The following NFATC2 variants were observed in gnomAD, a reference collection of about 807,000 sequenced individuals.
The protein encoded by NFATC2 is nuclear factor of activated T cells 2.
Under a neutral mutation model 87.3 loss-of-function variants are expected in NFATC2, and 22 were observed. The observed-to-expected ratio is 0.25, with a 90% CI of 0.18 to 0.36. The LOEUF (loss-of-function observed/expected upper bound fraction) is 0.36, where lower values mean the gene tolerates loss of function less well. NFATC2 is among the 10% of genes least tolerant of loss of function. The probability of loss-of-function intolerance (pLI) is 1.00; values close to 1 mark genes in which losing one functional copy is unlikely to be tolerated. For missense variants in NFATC2, 1,149 were observed against 1,259.1 expected (o/e 0.91, Z 1.32); for synonymous variants, 565 against 542.2 (o/e 1.04, Z -0.58).
rs751261116 is a variant in NFATC2, at chr20:51,523,368, C to A, written c.873G>T (p.Pro291=). The change falls in exon 2 of 11, where the codon CCG becomes CCT. Residue 291 remains proline, a synonymous_variant. Transcript: ENST00000371564. This position sits in a 1 kb window ranked among gnomAD's most constrained non-coding sequence, Gnocchi z 6.9. Reference sequence around the variant, plus strand: ...AGCCAGCCACAGGGGGGTACCCAGCCGGGGAGCCGTGGTCCTGGGGTGCCA... The same window carrying A: ...AGCCAGCCACAGGGGGGTACCCAGCAGGGGAGCCGTGGTCCTGGGGTGCCA... The part of the protein sequence containing the change: ...SHVAPQDHGS[P]AGYPPVAGSA... 1.2e-6 allele frequency: 2 copies of A among 1,611,052 alleles called. No homozygotes were observed. Among genetic ancestry groups the A allele is most frequent in the African/African-American group, 2.7e-5 (2 of 74,962 alleles).
intron 9 of NFATC2, among the ~76,000 whole-genome samples, chr20:51,399,785 C>T (rs1987794006): frequency 6.6e-6 from 1 of 152,222 alleles, no homozygotes. Context: ...TGCCCAGTCT[C>T]CACTTGAAAC....
chr20:51,492,561 C>T (rs1158395827), intron 3 of NFATC2, among the ~76,000 whole-genome samples: 1 of 152,248 alleles, frequency 6.6e-6, no homozygotes, highest in Non-Finnish European at 1.5e-5. Flanking sequence ...TTCCCTTTTC[C>T]GGCCGAGGAA....
At chr20:51,446,831 A>G (rs572680015) in intron 6 of NFATC2, among the ~76,000 whole-genome samples, 2 of 152,352 alleles carry the variant, frequency 1.3e-5, no homozygotes, top group East Asian at 3.9e-4. Context: ...CCGGGGGGCC[A>G]CTGACACCAG....
At chr20:51,460,576 A>G (rs1189624591) in intron 5 of NFATC2, among the ~76,000 whole-genome samples, 1 of 150,362 alleles carries the variant, frequency 6.7e-6, no homozygotes, top group African/African-American at 2.5e-5. Flanking sequence ...GTGTGTACAC[A>G]GGTCACCTCT....
In NFATC2 at chr20:51,478,984, G is replaced by A. The variant is rs181780066; in HGVS notation, c.1333-3324C>T. Among the ~76,000 whole-genome samples, 417 of 152,264 alleles carry A rather than the reference G, an allele frequency of 2.7e-3. 4 individuals carry two copies. The Middle Eastern group carries it at 0.034, about 12-fold the overall frequency. ...TTCAGTGCTAAAGCCAGCTCTTTAG[G>A]CATTACAAGAACCAATCGTTAAACC... On this transcript the variant is annotated intron_variant, in intron 3 of 10. Transcript: ENST00000371564.
chr20:51,394,711 T>C (rs958665863), intron 10 of NFATC2, among the ~76,000 whole-genome samples: 2 of 152,228 alleles, frequency 1.3e-5, no homozygotes, highest in Non-Finnish European at 2.9e-5. Flanking sequence ...ACAGTCAGGA[T>C]TGTCCTCCCC....
chr20:51,515,247 C>T (rs2076333115), intron 3 of NFATC2, among the ~76,000 whole-genome samples: 1 of 152,168 alleles, frequency 6.6e-6, no homozygotes, highest in South Asian at 2.1e-4. Flanking sequence ...AGAGGGGCTG[C>T]TATGGGGTGG....
intron 1 of NFATC2, among the ~76,000 whole-genome samples, chr20:51,536,261 A>G (rs2076718312): frequency 6.6e-6 from 1 of 152,196 alleles, no homozygotes; most frequent in Non-Finnish European, 1.5e-5. Context: ...ACAAAGCTAG[A>G]GACAGCAGCT....
intron 6 of NFATC2, among the ~76,000 whole-genome samples, chr20:51,438,280 G>A (rs1334872833): frequency 6.6e-6 from 1 of 152,154 alleles, no homozygotes; most frequent in African/African-American, 2.4e-5. Context: ...CCTGCAAAGT[G>A]AGCTTGAAGC....
At chr20:51,537,463 G>T (rs746483147) in intron 1 of NFATC2, among the ~76,000 whole-genome samples, 1 of 152,184 alleles carries the variant, frequency 6.6e-6, no homozygotes, top group African/African-American at 2.4e-5. Context: ...TTTCCTTTCT[G>T]AAAGGCCGAA....
At chr20:51,540,971 G>T (rs973427308) in intron 1 of NFATC2, among the ~76,000 whole-genome samples, 6 of 152,074 alleles carry the variant, frequency 3.9e-5, no homozygotes, top group Admixed American at 6.5e-5. Flanking sequence ...CAAAGCAAAA[G>T]ATGTCCTCCA....
chr20:51,399,451 TTACAGGGAA>T, intron 9 of NFATC2, among the ~76,000 whole-genome samples: 1 of 152,344 alleles, frequency 6.6e-6, no homozygotes, highest in East Asian at 1.9e-4. Flanking sequence ...GTCCAATTTC[TTACAGGGAA>T]TAATGCAGCG....
At chr20:51,413,566 C>T (rs1220518251) in intron 9 of NFATC2, among the ~76,000 whole-genome samples, 1 of 151,966 alleles carries the variant, frequency 6.6e-6, no homozygotes, top group Non-Finnish European at 1.5e-5. Flanking sequence ...AAGACCAGCC[C>T]GGGCAACATA....
At chr20:51,551,568 ATTTTT>A (rs528455167) in intron 1 of NFATC2, among the ~76,000 whole-genome samples, 1 of 103,736 alleles carries the variant, frequency 9.6e-6, no homozygotes, top group Non-Finnish European at 2.0e-5. Context: ...ATGCCCTGCT[ATTTTT>A]TTTTTTTTTT....
At chr20:51,541,138 A>G (rs2076810040) in intron 1 of NFATC2, among the ~76,000 whole-genome samples, 1 of 152,118 alleles carries the variant, frequency 6.6e-6, no homozygotes, top group Non-Finnish European at 1.5e-5. Flanking sequence ...CAGAGAGGAC[A>G]CCGATGGAAG....
At chr20:51,506,983 G>A (rs2076194023) in intron 3 of NFATC2, among the ~76,000 whole-genome samples, 1 of 152,240 alleles carries the variant, frequency 6.6e-6, no homozygotes, top group Non-Finnish European at 1.5e-5. Context: ...GCGCTGAGCT[G>A]CCGCAGAGGA....
chr20:51,474,197 A>C, intron 4 of NFATC2, 45 bp from the exon 5 acceptor site: 1 of 1,599,776 alleles, frequency 6.3e-7, no homozygotes, highest in Non-Finnish European at 8.5e-7. Flanking sequence ...TACCTTCAGG[A>C]GCAGGAAAGA....
intron 10 of NFATC2, among the ~76,000 whole-genome samples, chr20:51,396,070 ATATAT>A (rs1487740473): frequency 7.6e-4 from 23 of 30,128 alleles, no homozygotes; most frequent in Non-Finnish European, 1.3e-3. Context: ...ATATATATAT[ATATAT>A]ATATATATAT....
chr20:51,425,841 C>A (rs960466251), intron 9 of NFATC2, among the ~76,000 whole-genome samples: 1 of 152,202 alleles, frequency 6.6e-6, no homozygotes, highest in Non-Finnish European at 1.5e-5. Context: ...CAAAGCACAT[C>A]CATGGCCCCT....
Sources: gnomAD v4.1 joint callset for allele counts (sites outside exome capture counted in the v4.1 genomes callset) on GRCh38, gnomAD v4.1.1 for gene constraint, Gnocchi (gnomAD v3.1) non-coding constraint, MANE v1.5 for transcripts, NCBI Gene and HGNC (gene_info 2026-07-23, HGNC 2026-07-21) for gene names.